ZMAT4: variants seen among roughly 807,000 people sequenced by gnomAD.
The protein encoded by ZMAT4 is zinc finger matrin-type 4, also known as zinc finger matrin-type protein 4.
ZMAT4 carries 17 observed loss-of-function variants against 28.7 expected under a neutral mutation model. The observed-to-expected ratio is 0.59, with a 90% CI of 0.41 to 0.89. The LOEUF (loss-of-function observed/expected upper bound fraction) is 0.89, where lower values mean the gene tolerates loss of function less well. Among genes scored for constraint, ZMAT4 ranks in the 40% least tolerant of loss-of-function variants. ZMAT4 has a pLI of 0.00. For missense variants in ZMAT4, 240 were observed against 283.8 expected, an observed-to-expected ratio of 0.85 and a Z score of 1.11; for synonymous variants, 117 against 109.2, an observed-to-expected ratio of 1.07 and a Z score of -0.44.
intron 3 of ZMAT4, among the ~76,000 whole-genome samples, chr8:40,756,050 C>A (rs943463922): frequency 3.9e-5 from 6 of 152,100 alleles, no homozygotes; most frequent in African/African-American, 1.4e-4. Flanking sequence ...ATGAAGGGAA[C>A]CCATACACAT....
chr8:40,841,303 A>G (rs1563520169), intron 1 of ZMAT4, among the ~76,000 whole-genome samples: 1 of 152,100 alleles, frequency 6.6e-6, no homozygotes. Context: ...GCTAACTCCT[A>G]CTGGATGTAA....
intron 5 of ZMAT4, among the ~76,000 whole-genome samples, chr8:40,609,871 C>A (rs1017930414): frequency 6.6e-6 from 1 of 152,160 alleles, no homozygotes; most frequent in Admixed American, 6.6e-5. Flanking sequence ...GCCCACACAA[C>A]CGCAGTGCAG....
chr8:40,764,789 TATGTC>T (rs1813080623), intron 3 of ZMAT4, among the ~76,000 whole-genome samples: 2 of 152,072 alleles, frequency 1.3e-5, no homozygotes, highest in African/African-American at 2.4e-5. Flanking sequence ...AAATATGACT[TATGTC>T]AGTTGGGCCT....
At chr8:40,895,460 A>G (rs758252397) in intron 1 of ZMAT4, among the ~76,000 whole-genome samples, 1 of 152,092 alleles carries the variant, frequency 6.6e-6, no homozygotes, top group South Asian at 2.1e-4. Flanking sequence ...GCACTTTGTC[A>G]ATTATTTTTC....
At chr8:40,542,993 G>A (rs1011842889) in intron 6 of ZMAT4, among the ~76,000 whole-genome samples, 3 of 152,266 alleles carry the variant, frequency 2.0e-5, no homozygotes, top group African/African-American at 7.2e-5. Context: ...CGCCTCTAAC[G>A]TCACTCAGCT....
intron 6 of ZMAT4, among the ~76,000 whole-genome samples, chr8:40,547,588 C>T (rs1350978097): frequency 6.6e-6 from 1 of 152,094 alleles, no homozygotes; most frequent in Non-Finnish European, 1.5e-5. Flanking sequence ...AATATTTACC[C>T]CTCACACAGA....
intron 6 of ZMAT4, among the ~76,000 whole-genome samples, chr8:40,536,754 T>C (rs1312508959): frequency 6.6e-6 from 1 of 152,070 alleles, no homozygotes; most frequent in Non-Finnish European, 1.5e-5. Flanking sequence ...AAAATGTATT[T>C]GGAATATTTT....
intron 1 of ZMAT4, among the ~76,000 whole-genome samples, chr8:40,841,801 T>C (rs1381403791): frequency 6.6e-6 from 1 of 152,248 alleles, no homozygotes; most frequent in East Asian, 1.9e-4. Context: ...TGTAATCTAT[T>C]GCTTCCCAGT....
intron 3 of ZMAT4, among the ~76,000 whole-genome samples, chr8:40,742,297 G>A (rs4737169): frequency 0.71 from 107,404 of 150,698 alleles, 39,346 homozygotes; most frequent in Non-Finnish European, 0.82. Context: ...CCCCAATTCT[G>A]CCTAAAAAAC....
At chr8:40,593,366 C>T (rs372695187) in intron 5 of ZMAT4, among the ~76,000 whole-genome samples, 3 of 152,102 alleles carry the variant, frequency 2.0e-5, no homozygotes, top group African/African-American at 4.8e-5. Flanking sequence ...TGGTAGAAAG[C>T]GGTATGTATG....
At chr8:40,776,821 T>C (rs1010895636) in intron 2 of ZMAT4, among the ~76,000 whole-genome samples, 1 of 151,596 alleles carries the variant, frequency 6.6e-6, no homozygotes, top group African/African-American at 2.4e-5. Context: ...GTCTCAGGTT[T>C]CTTCTATAAA....
chr8:40,752,888 T>A lies in ZMAT4; in HGVS notation c.192+14753A>T, dbSNP rs914137441. Among the ~76,000 whole-genome samples the A allele has an allele frequency of 5.3e-5, 8 of 152,276 alleles. No homozygotes were observed. The East Asian group carries it at 7.7e-4, about 15-fold the overall frequency. Reference sequence around the variant, plus strand: ...TGCTGGCTGTCTTCTTCTTTTTTTTTAATTTTACTTTAAGTTCTGGGATAC... The same window carrying A: ...TGCTGGCTGTCTTCTTCTTTTTTTTAAATTTTACTTTAAGTTCTGGGATAC... On this transcript the variant is annotated intron_variant, in intron 3 of 6. Transcript: ENST00000297737.
At chr8:40,668,190 G>A (rs1008936394) in intron 5 of ZMAT4, among the ~76,000 whole-genome samples, 2 of 152,076 alleles carry the variant, frequency 1.3e-5, no homozygotes, top group African/African-American at 4.8e-5. Flanking sequence ...ATTGAGGAGT[G>A]GCTGGGCGCA....
intron 2 of ZMAT4, among the ~76,000 whole-genome samples, chr8:40,802,380 C>T (rs1814887530): frequency 6.6e-6 from 1 of 152,096 alleles, no homozygotes; most frequent in African/African-American, 2.4e-5. Context: ...ATAGCAAAGT[C>T]ACAGAATACA....
chr8:40,543,265 A>T (rs934151561), intron 6 of ZMAT4, among the ~76,000 whole-genome samples: 4 of 152,222 alleles, frequency 2.6e-5, no homozygotes, highest in African/African-American at 9.6e-5. Flanking sequence ...GGAAGAGGAT[A>T]GAGAAAGCCA....
At chr8:40,574,519 G>T (rs1358112697) in intron 6 of ZMAT4, among the ~76,000 whole-genome samples, 1 of 152,172 alleles carries the variant, frequency 6.6e-6, no homozygotes, top group East Asian at 1.9e-4. Flanking sequence ...CAGCAAGATG[G>T]CTGACTAGTG....
At position 40,879,770 on chromosome 8, in the gene ZMAT4, G is replaced by A. The variant is rs558999772; in HGVS notation, c.-5+17913C>T. ...AGAGAATCTCTATTAGCATTTTGGC[G>A]TATTTTATTTACATTTATGCACATA... On this transcript the variant is annotated intron_variant, in intron 1 of 6. Transcript: ENST00000297737. Among the ~76,000 whole-genome samples, 19 of 152,278 alleles carry A rather than the reference G, an allele frequency of 1.2e-4. 1 individual carries two copies. The highest frequency in any genetic ancestry group is 3.4e-3 in the Middle Eastern group (1 of 294).
At chr8:40,873,044 T>TA (rs924842093) in intron 1 of ZMAT4, among the ~76,000 whole-genome samples, 1 of 151,178 alleles carries the variant, frequency 6.6e-6, no homozygotes, top group Admixed American at 6.6e-5. Flanking sequence ...CCCAAGAGGT[T>TA]AAAAAAAAAT....
chr8:40,720,351 TG>T (rs1811027497), intron 3 of ZMAT4, among the ~76,000 whole-genome samples: 1 of 152,088 alleles, frequency 6.6e-6, no homozygotes, highest in African/African-American at 2.4e-5. Context: ...GACTCTTTAT[TG>T]TGGCTCTGGA....
Sources: gnomAD v4.1 joint callset for allele counts (sites outside exome capture counted in the v4.1 genomes callset) on GRCh38, gnomAD v4.1.1 for gene constraint, MANE v1.5 for transcripts, NCBI Gene and HGNC (gene_info 2026-07-23, HGNC 2026-07-21) for gene names.